Variants in CPNE8 observed in about 807,000 individuals in gnomAD.
CPNE8 encodes the protein copine 8.
Under a neutral mutation model 81.5 loss-of-function variants are expected in CPNE8, and 45 were observed. The ratio of observed to expected loss-of-function variants is 0.55; its 90% confidence interval spans 0.44 to 0.71. The LOEUF (loss-of-function observed/expected upper bound fraction) is 0.71, where lower values mean the gene tolerates loss of function less well. CPNE8 is among the 30% of genes least tolerant of loss of function. CPNE8 has a pLI of 0.00. For missense variants in CPNE8, 594 were observed against 672.1 expected, an observed-to-expected ratio of 0.88 and a Z score of 1.28; for synonymous variants, 252 against 226.3, an observed-to-expected ratio of 1.11 and a Z score of -1.02.
chr12:38,824,068 G>T (rs1419987842), intron 6 of CPNE8, among the ~76,000 whole-genome samples: 2 of 152,130 alleles, frequency 1.3e-5, no homozygotes, highest in South Asian at 2.1e-4. Context: ...AAACGTGTTT[G>T]CCCAAAGCTT....
At chr12:38,874,212 A>C (rs963479879) in intron 2 of CPNE8, among the ~76,000 whole-genome samples, 1 of 152,170 alleles carries the variant, frequency 6.6e-6, no homozygotes, top group Non-Finnish European at 1.5e-5. Context: ...TTTCTACCAA[A>C]TGGCCATAGT....
At chr12:38,838,591 T>C (rs1188536151) in intron 5 of CPNE8, among the ~76,000 whole-genome samples, 1 of 152,186 alleles carries the variant, frequency 6.6e-6, no homozygotes, top group Non-Finnish European at 1.5e-5. Flanking sequence ...TGCAAATAAA[T>C]TGTAAATGTC....
At chr12:38,794,104 A>C (rs770513709) in intron 6 of CPNE8, among the ~76,000 whole-genome samples, 106 of 152,274 alleles carry the variant, frequency 7.0e-4, no homozygotes, top group Non-Finnish European at 1.1e-3. Flanking sequence ...CCAAAAGAAA[A>C]CACAGGAGGA....
At chr12:38,785,341 C>G (rs899457151) in intron 6 of CPNE8, among the ~76,000 whole-genome samples, 1 of 151,310 alleles carries the variant, frequency 6.6e-6, no homozygotes. Context: ...AGTAGAAAGA[C>G]TAAAAAATTA....
intron 7 of CPNE8, among the ~76,000 whole-genome samples, chr12:38,773,599 A>T (rs1230020743): frequency 6.6e-6 from 1 of 152,062 alleles, no homozygotes; most frequent in African/African-American, 2.4e-5. Context: ...AGGTGAGCTG[A>T]CTCTAAAGCT....
At chr12:38,677,016 G>T (rs1939305196) in intron 17 of CPNE8, among the ~76,000 whole-genome samples, 1 of 151,770 alleles carries the variant, frequency 6.6e-6, no homozygotes, top group Non-Finnish European at 1.5e-5. Context: ...CATACAATTA[G>T]GAATTATAAT....
chr12:38,671,260 A>T (rs1939168962), intron 18 of CPNE8, among the ~76,000 whole-genome samples: 1 of 152,068 alleles, frequency 6.6e-6, no homozygotes. Flanking sequence ...CATTGAAACT[A>T]CAGCAAAGCC....
At chr12:38,659,434 C>T (rs1391674395) in intron 19 of CPNE8, among the ~76,000 whole-genome samples, 2 of 152,142 alleles carry the variant, frequency 1.3e-5, no homozygotes, top group Non-Finnish European at 2.9e-5. Context: ...GACTTAGACT[C>T]CCACACAATA....
At chr12:38,807,411 T>C (rs1398491025) in intron 6 of CPNE8, among the ~76,000 whole-genome samples, 2 of 151,378 alleles carry the variant, frequency 1.3e-5, no homozygotes, top group Non-Finnish European at 2.9e-5. Flanking sequence ...GAGATATAGA[T>C]CAATGGAACA....
chr12:38,704,676 CTGAT>C (rs1335922400), intron 13 of CPNE8, among the ~76,000 whole-genome samples: 4 of 151,616 alleles, frequency 2.6e-5, no homozygotes, highest in African/African-American at 9.7e-5. Context: ...GATCCTGTGG[CTGAT>C]TGGGAGCTGT....
upstream of CPNE8, chr12:38,905,629 G>A: frequency 6.6e-7 from 1 of 1,514,134 alleles, no homozygotes; most frequent in South Asian, 1.2e-5. Flanking sequence ...GGGGGTTGAG[G>A]GTGGAGGCAG....
At chr12:38,709,242 A>G (rs1051225398) in intron 13 of CPNE8, among the ~76,000 whole-genome samples, 2 of 152,202 alleles carry the variant, frequency 1.3e-5, no homozygotes, top group African/African-American at 4.8e-5. Context: ...TTCTCTCACC[A>G]TGGGCTAAAC....
chr12:38,725,726 A>T (rs1214744951), intron 11 of CPNE8, among the ~76,000 whole-genome samples: 2 of 152,332 alleles, frequency 1.3e-5, no homozygotes, highest in South Asian at 4.1e-4. Flanking sequence ...AAAGCAACTG[A>T]CCCAGGTTGG....
intron 10 of CPNE8, 89 bp from the exon 11 acceptor site, chr12:38,730,447 CA>C (rs531479722): frequency 1.3e-4 from 81 of 618,080 alleles, no homozygotes; most frequent in South Asian, 1.1e-3. Context: ...TAATCATTAT[CA>C]AAAAAATGCT....
At chr12:38,742,932 C>T (rs532416548) in intron 10 of CPNE8, among the ~76,000 whole-genome samples, 120 of 151,860 alleles carry the variant, frequency 7.9e-4, no homozygotes, top group African/African-American at 2.8e-3. Context: ...TAGTTTATTT[C>T]ATGTGTGCAT....
chr12:38,846,402 T>C (rs1943561552), intron 4 of CPNE8, among the ~76,000 whole-genome samples: 1 of 152,106 alleles, frequency 6.6e-6, no homozygotes, highest in South Asian at 2.1e-4. Context: ...AGAAAAGCTA[T>C]ATATTGTTTT....
At chr12:38,845,957 T>C (rs75554070) in intron 4 of CPNE8, among the ~76,000 whole-genome samples, 1,625 of 152,350 alleles carry the variant, frequency 0.011, 19 homozygotes, top group African/African-American at 0.037. Context: ...AAACAATACT[T>C]ATTTAATTCC....
At chr12:38,897,168 C>T (rs1944399721) in intron 1 of CPNE8, among the ~76,000 whole-genome samples, 1 of 152,066 alleles carries the variant, frequency 6.6e-6, no homozygotes, top group Non-Finnish European at 1.5e-5. Flanking sequence ...TACTCTGCTG[C>T]CTCAAATTCT....
At chr12:38,673,869 C>T (rs1328932604) in intron 18 of CPNE8, among the ~76,000 whole-genome samples, 2 of 151,436 alleles carry the variant, frequency 1.3e-5, no homozygotes, top group African/African-American at 4.9e-5. Context: ...CGGTGGCATG[C>T]TTAATAGGCA....
Sources: allele counts gnomAD v4.1 joint callset (sites outside exome capture counted in the v4.1 genomes callset), GRCh38; gene constraint gnomAD v4.1.1; transcripts MANE v1.5; gene names NCBI Gene and HGNC (gene_info 2026-07-23, HGNC 2026-07-21).